The following SLC66A3 variants were observed in gnomAD, a reference collection of about 807,000 sequenced individuals.
SLC66A3 encodes PQ loop repeat containing 3.
Under a neutral mutation model 25.5 loss-of-function variants are expected in SLC66A3, and 23 were observed. The observed-to-expected ratio is 0.90, with a 90% CI of 0.65 to 1.28. The LOEUF is 1.28. Ranked by LOEUF, SLC66A3 falls within the 50% of genes most tolerant of loss-of-function variation. The probability of loss-of-function intolerance (pLI) is 0.00; values close to 1 mark genes in which losing one functional copy is unlikely to be tolerated. For synonymous variants in SLC66A3, 108 were observed against 112.6 expected, an observed-to-expected ratio of 0.96 and a Z score of 0.26; for missense variants, 246 against 262.1, an observed-to-expected ratio of 0.94 and a Z score of 0.42.
In SLC66A3 at chr2:11,172,039, T is replaced by C. The variant is rs764530329; in HGVS notation, c.469T>C (p.Cys157Arg). ...GACTTGGAGCCTCTCTTCCTATACCTGTGCAAGTAAGAACCGGACTCACAT... is the reference window on the plus strand; with the variant it reads ...GACTTGGAGCCTCTCTTCCTATACCCGTGCAAGTAAGAACCGGACTCACAT... ...ALTWSLSSYT[C>R]ATRIITTLMT... Residue 157 changes from cysteine (C) to arginine (R), a missense_variant, in exon 5 of 7, where the codon TGT becomes CGT. Physicochemically the swap from Cys to Arg is radical, Grantham distance 180. This residue lies in a region of SLC66A3 where 93 missense variants were observed against 102.6 expected (regional missense o/e 0.91). Coordinates refer to ENST00000295083, the MANE Select transcript of SLC66A3 (RefSeq NM_152391.5). 6.2e-7 allele frequency: 1 copy of C among 1,613,676 alleles called. No individual in the cohort carries two copies. The highest frequency in any genetic ancestry group is 1.7e-5 in the Admixed American group (1 of 59,970).
At chr2:11,164,658 G>A (rs1172488955) in intron 4 of SLC66A3, among the ~76,000 whole-genome samples, 1 of 151,468 alleles carries the variant, frequency 6.6e-6, no homozygotes, top group African/African-American at 2.4e-5. Context: ...AAAGGTCTCT[G>A]GTTTTCCTAG....
chr2:11,174,743 C>T (rs575638224), intron 5 of SLC66A3, among the ~76,000 whole-genome samples: 8 of 152,174 alleles, frequency 5.3e-5, no homozygotes, highest in Non-Finnish European at 8.8e-5. Context: ...TCAGGTGATC[C>T]GGCATGGCTA....
chr2:11,174,920 A>G, intron 5 of SLC66A3, 48 bp from the exon 6 acceptor site: 1 of 1,464,968 alleles, frequency 6.8e-7, no homozygotes, highest in Non-Finnish European at 9.5e-7. Flanking sequence ...CTAAGCCCCA[A>G]AATGTCCGAG....
intron 6 of SLC66A3, 76 bp downstream of exon 6, chr2:11,175,085 G>A (rs1342637955): frequency 9.1e-7 from 1 of 1,103,810 alleles, no homozygotes; most frequent in Admixed American, 2.0e-5. Flanking sequence ...ACTGTCTTAG[G>A]GTTTAATGGA....
chr2:11,165,456 C>T (rs1204929208), intron 4 of SLC66A3, among the ~76,000 whole-genome samples: 5 of 150,242 alleles, frequency 3.3e-5, no homozygotes, highest in African/African-American at 1.2e-4. Context: ...ACATCCCAGA[C>T]GGGGCGACGG....
rs939152005 is a variant in SLC66A3 at position 11,160,685 on chromosome 2, A to G, written c.287A>G (p.Tyr96Cys). The G allele has an allele frequency of 3.1e-6, 5 of 1,613,578 alleles. No homozygotes were observed. The African/African-American group carries it at 6.7e-5, about 22-fold the overall frequency. ...FNGNVKQATP[Y>C]IAVLVSSWFI... is the part of the protein sequence containing the mutation. ...GGGAACGTGAAGCAGGCCACTCCTT[A>G]CATCGCTGTGTATCCTTTCTGAATC... is the stretch of plus-strand genomic sequence containing the variant. Residue 96 changes from tyrosine (Y) to cysteine (C), a missense_variant, in exon 3 of 7, where the codon TAC (tyrosine) becomes TGC (cysteine). Physicochemically the swap from Tyr to Cys is radical, Grantham distance 194 (BLOSUM62 -2). Coordinates refer to ENST00000295083, the MANE Select transcript of SLC66A3 (RefSeq NM_152391.5).
rs554683847 is a variant in SLC66A3, at chr2:11,175,118, T to C, written c.517+109T>C. ...GGATGGACTTGGCTCTGTTGGATTATAGATTTAGAAGATGGCAACAATGTA... is the reference window on the plus strand; with the variant it reads ...GGATGGACTTGGCTCTGTTGGATTACAGATTTAGAAGATGGCAACAATGTA... On this transcript the variant is annotated intron_variant, in intron 6 of 6. Coordinates refer to ENST00000295083, the MANE Select transcript of SLC66A3 (RefSeq NM_152391.5). The C allele has an allele frequency of 5.0e-6, 4 of 793,936 alleles. No individual in the cohort carries two copies. In the South Asian group the frequency reaches 7.6e-5, roughly 15 times the overall value. 49.2% of individuals were successfully genotyped at this position (793,936 alleles called of 1,614,324 possible). A position where few individuals can be genotyped will look rare whatever the true frequency, so the allele number is the denominator to read the frequency against.
Position 11,172,063 on chromosome 2 carries a change from A to C in SLC66A3, c.475+18A>C, listed in dbSNP as rs1359793262. ...CTGTGCAAGTAAGAACCGGACTCACATGGTGGGGAGGCCTTTGGTAGCACC... is the reference window on the plus strand; with the variant it reads ...CTGTGCAAGTAAGAACCGGACTCACCTGGTGGGGAGGCCTTTGGTAGCACC... On this transcript the variant is annotated intron_variant, in intron 5 of 6. Coordinates refer to ENST00000295083, the MANE Select transcript of SLC66A3 (RefSeq NM_152391.5). 6.2e-7 allele frequency: 1 copy of C among 1,612,840 alleles called. No individual in the cohort carries two copies. Among genetic ancestry groups the C allele is most frequent in the African/African-American group, 1.3e-5 (1 of 74,876 alleles).
chr2:11,155,650 G>T lies in SLC66A3; in HGVS notation c.104G>T (p.Arg35Leu). 2 of 1,497,352 alleles carry T rather than the reference G, an allele frequency of 1.3e-6. No homozygotes were observed. The highest frequency in any genetic ancestry group is 8.8e-7 in the Non-Finnish European group (1 of 1,132,584). The allele number at this position is 1,497,352 out of a possible 1,614,324, so 92.8% of individuals were successfully genotyped here. Residue 35 changes from arginine (R) to leucine (L), a missense_variant, in exon 1 of 7, where the codon CGG (arginine) becomes CTG (leucine). This residue lies in a region of SLC66A3 where 142 missense variants were observed against 130.3 expected (regional missense o/e 1.09). Transcript: ENST00000295083. ...GCTGTGCTAGCGGCGCGCAGCGCGC[G>T]GGGCCTCAGCCTTCCGAGTTTACTT... ...ISAVLAARSA[R>L]GLSLPSLLLE...
chr2:11,159,119 T>C lies in SLC66A3; in HGVS notation c.144-1347T>C, dbSNP rs183320522. On this transcript the variant is annotated intron_variant, in intron 1 of 6. Transcript: ENST00000295083. ...TCCCCAGGTTCTCAGGCCTGGCCTG[T>C]GGACTGTGGCTGCGTCCCAGGGGTC... 7.0e-3 allele frequency among the ~76,000 whole-genome samples: 1,063 copies of C among 152,344 alleles called. 14 individuals carry two copies. The highest frequency in any genetic ancestry group is 0.024 in the African/African-American group (1,006 of 41,578).
At chr2:11,172,828 C>T (rs745483657) in intron 5 of SLC66A3, 6 of 392,240 alleles carry the variant, frequency 1.5e-5, no homozygotes, top group Middle Eastern at 8.0e-4. Context: ...GCTGGGAGTA[C>T]GAGCACACAC....
At chr2:11,165,027 C>T (rs1662269953) in intron 4 of SLC66A3, among the ~76,000 whole-genome samples, 1 of 152,340 alleles carries the variant, frequency 6.6e-6, no homozygotes. Flanking sequence ...CATCATGGCC[C>T]GTTCTCAATG....
intron 5 of SLC66A3, among the ~76,000 whole-genome samples, chr2:11,173,012 G>A (rs1662608967): frequency 6.6e-6 from 1 of 152,094 alleles, no homozygotes; most frequent in Non-Finnish European, 1.5e-5. Flanking sequence ...ACAGGCACAC[G>A]CCACCATGCC....
chr2:11,164,574 GT>G (rs1275478997), intron 4 of SLC66A3, among the ~76,000 whole-genome samples: 31 of 149,594 alleles, frequency 2.1e-4, no homozygotes, highest in Non-Finnish European at 2.1e-4. Context: ...ATTCTTGGGT[GT>G]TTCTTGCAGA....
intron 3 of SLC66A3, among the ~76,000 whole-genome samples, chr2:11,161,551 C>T (rs1487581813): frequency 1.3e-5 from 2 of 152,086 alleles, no homozygotes; most frequent in Non-Finnish European, 2.9e-5. Context: ...CAGGGTCTCA[C>T]TATGTCACCC....
intron 5 of SLC66A3, among the ~76,000 whole-genome samples, chr2:11,174,659 G>C (rs534847735): frequency 6.6e-6 from 1 of 152,112 alleles, no homozygotes; most frequent in African/African-American, 2.4e-5. Context: ...ACTACACCTG[G>C]CTAATTTTTG....
chr2:11,174,846 T>C, intron 5 of SLC66A3, 122 bp from the exon 6 acceptor site: 1 of 565,004 alleles, frequency 1.8e-6, no homozygotes, highest in Non-Finnish European at 3.0e-6. Flanking sequence ...AAAAAAAGAA[T>C]AAAAATAATT....
At chr2:11,159,082 C>T (rs765483211) in intron 1 of SLC66A3, among the ~76,000 whole-genome samples, 5 of 152,246 alleles carry the variant, frequency 3.3e-5, no homozygotes, top group African/African-American at 4.8e-5. Context: ...AAGGTGAGAA[C>T]GGGCTCTGAC....
At chr2:11,172,770 G>T (rs1451379586) in intron 5 of SLC66A3, 1 of 440,826 alleles carries the variant, frequency 2.3e-6, no homozygotes, top group Middle Eastern at 5.1e-4. Flanking sequence ...CTCTCTCACA[G>T]GCTGGAGTGC....
Sources: allele counts gnomAD v4.1 joint callset (sites outside exome capture counted in the v4.1 genomes callset), GRCh38; gene constraint gnomAD v4.1.1; regional missense constraint gnomAD v4.1.1; transcripts MANE v1.5; gene names NCBI Gene and HGNC (gene_info 2026-07-23, HGNC 2026-07-21).